Variants in GRM7 observed in about 807,000 individuals in gnomAD.
GRM7 encodes metabotropic glutamate receptor 7.
In GRM7, 35 loss-of-function variants were observed where a neutral mutation model predicts 84.5. The observed-to-expected ratio is 0.41, with a 90% CI of 0.32 to 0.55. The LOEUF is 0.55. Ranked by LOEUF, GRM7 falls within the 20% of genes least tolerant of loss-of-function variation. The pLI is 0.19. For missense variants in GRM7, 1,003 were observed against 1,194.6 expected (o/e 0.84, Z 2.36); for synonymous variants, 487 against 455.1 (o/e 1.07, Z -0.89).
chr3:7,677,697 A>C (rs535639436), intron 8 of GRM7, among the ~76,000 whole-genome samples: 1 of 152,360 alleles, frequency 6.6e-6, no homozygotes, highest in African/African-American at 2.4e-5. Context: ...TTCATAAAAT[A>C]AACATGATAG....
At chr3:6,877,074 T>G (rs1387663720) in intron 1 of GRM7, among the ~76,000 whole-genome samples, 1 of 152,218 alleles carries the variant, frequency 6.6e-6, no homozygotes, top group African/African-American at 2.4e-5. Flanking sequence ...TTAATATGGA[T>G]GGAGGGCTGT....
intron 2 of GRM7, among the ~76,000 whole-genome samples, chr3:7,290,221 T>C (rs1699575376): frequency 6.6e-6 from 1 of 152,068 alleles, no homozygotes; most frequent in African/African-American, 2.4e-5. Flanking sequence ...ACATCAGAAA[T>C]CAATCAAACT....
chr3:7,022,538 T>C (rs1227303183), intron 1 of GRM7, among the ~76,000 whole-genome samples: 1 of 151,598 alleles, frequency 6.6e-6, no homozygotes, highest in Non-Finnish European at 1.5e-5. Context: ...CCCAAAAAAA[T>C]ATTTTCTTTT....
intron 1 of GRM7, among the ~76,000 whole-genome samples, chr3:6,911,613 A>G (rs568826757): frequency 1.8e-4 from 28 of 152,282 alleles, no homozygotes; most frequent in African/African-American, 6.7e-4. Context: ...GGTAGCCACT[A>G]GGGAAAGTAA....
chr3:7,606,877 G>T (rs1048824371), intron 8 of GRM7: 1 of 152,098 alleles, frequency 6.6e-6, no homozygotes, highest in African/African-American at 2.4e-5. Flanking sequence ...TCAATGTAAA[G>T]CATTGAAGTC....
intron 4 of GRM7, among the ~76,000 whole-genome samples, chr3:7,388,294 C>T (rs939269247): frequency 6.6e-5 from 10 of 152,022 alleles, no homozygotes; most frequent in African/African-American, 2.4e-4. Flanking sequence ...CTTTCTCTTG[C>T]CTGATCACTC....
At chr3:7,122,290 C>T (rs1023734291) in intron 1 of GRM7, among the ~76,000 whole-genome samples, 1 of 151,970 alleles carries the variant, frequency 6.6e-6, no homozygotes, top group Admixed American at 6.6e-5. Context: ...TTGCCCCAAA[C>T]CTATATTTAT....
At chr3:6,898,197 C>T (rs1005801580) in intron 1 of GRM7, among the ~76,000 whole-genome samples, 3 of 152,114 alleles carry the variant, frequency 2.0e-5, no homozygotes, top group African/African-American at 7.2e-5. Context: ...TTGTCGTTCT[C>T]ATGTGATGGC....
chr3:7,100,045 T>A (rs1699057986), intron 1 of GRM7, among the ~76,000 whole-genome samples: 1 of 149,810 alleles, frequency 6.7e-6, no homozygotes, highest in Non-Finnish European at 1.5e-5. Context: ...ATATGTATAT[T>A]ACATATAATA....
intron 1 of GRM7, among the ~76,000 whole-genome samples, chr3:7,073,055 C>T (rs999696514): frequency 2.0e-5 from 3 of 152,046 alleles, no homozygotes; most frequent in South Asian, 4.2e-4. Context: ...TAGTGAAATG[C>T]GATGTATTTT....
At chr3:7,283,994 A>G (rs568363704) in intron 2 of GRM7, among the ~76,000 whole-genome samples, 100 of 152,346 alleles carry the variant, frequency 6.6e-4, no homozygotes, top group Middle Eastern at 3.4e-3. Flanking sequence ...GCAAAGTGAC[A>G]GTTCAAATAT....
Position 6,928,669 on chromosome 3 carries a change from C to T in GRM7, c.519+66762C>T, listed in dbSNP as rs1485959984. 6.6e-6 allele frequency among the ~76,000 whole-genome samples: 1 copy of T among 152,134 alleles called. No individual in the cohort carries two copies. The highest frequency in any genetic ancestry group is 1.5e-5 in the Non-Finnish European group (1 of 68,020). On this transcript the variant is annotated intron_variant, in intron 1 of 9. Coordinates refer to ENST00000357716, the MANE Select transcript of GRM7 (RefSeq NM_000844.4). The surrounding 1 kb of genome is among the most constrained non-coding windows in gnomAD (Gnocchi z 4.5). ...AACAACTTGATAGAATCAATAGAAG[C>T]TTAGTTAAGCAGGTGATAATCTTCT... is the stretch of plus-strand genomic sequence containing the variant.
intron 2 of GRM7, among the ~76,000 whole-genome samples, chr3:7,221,753 T>C (rs865825990): frequency 5.9e-5 from 9 of 151,652 alleles, no homozygotes; most frequent in Non-Finnish European, 1.2e-4. Context: ...TTAGTTTCTC[T>C]TTTGTCTTGA....
At chr3:6,955,240 A>G (rs192154301) in intron 1 of GRM7, among the ~76,000 whole-genome samples, 1 of 152,356 alleles carries the variant, frequency 6.6e-6, no homozygotes, top group African/African-American at 2.4e-5. Flanking sequence ...ATCATTATTT[A>G]AGAATAGAAT....
intron 4 of GRM7, among the ~76,000 whole-genome samples, chr3:7,357,443 C>T (rs1163573139): frequency 6.6e-6 from 1 of 152,020 alleles, no homozygotes; most frequent in African/African-American, 2.4e-5. Flanking sequence ...CCTCTTACCC[C>T]CTTCAATAGT....
In GRM7 at chr3:7,220,606, G is replaced by A. The variant is rs553171228; in HGVS notation, c.736+73938G>A. 5.9e-5 allele frequency among the ~76,000 whole-genome samples: 9 copies of A among 151,970 alleles called. No individual in the cohort carries two copies. In the South Asian group the frequency reaches 1.7e-3, roughly 28 times the overall value. On this transcript the variant is annotated intron_variant, in intron 2 of 9. Coordinates refer to ENST00000357716, the MANE Select transcript of GRM7 (RefSeq NM_000844.4). ...AATTGGATTAGGAAAAGGGCATTAG[G>A]TAAAAAAAAGAAATACCAATAAAGT...
At position 7,486,245 on chromosome 3, in the gene GRM7, T is replaced by A. The variant is rs535042151; in HGVS notation, c.1515+24523T>A. On this transcript the variant is annotated intron_variant, in intron 7 of 9. Transcript: ENST00000357716. This position sits in a 1 kb window ranked among gnomAD's most constrained non-coding sequence, Gnocchi z 5.5. ...CTTCTATTTCCCCTTGTTTTATTTG[T>A]ATTTAAGTGTTTTTGCTTCCCAAGA... Among the ~76,000 whole-genome samples the A allele has an allele frequency of 6.6e-6, 1 of 152,318 alleles. No individual in the cohort carries two copies. The highest frequency in any genetic ancestry group is 1.9e-4 in the East Asian group (1 of 5,180).
chr3:7,110,283 A>T (rs1329686140), intron 1 of GRM7, among the ~76,000 whole-genome samples: 1 of 152,038 alleles, frequency 6.6e-6, no homozygotes, highest in Non-Finnish European at 1.5e-5. Flanking sequence ...ACCTTTCCTT[A>T]TAGGAAACTA....
At chr3:6,919,140 T>C (rs937534815) in intron 1 of GRM7, among the ~76,000 whole-genome samples, 5 of 152,202 alleles carry the variant, frequency 3.3e-5, no homozygotes, top group African/African-American at 1.2e-4. Flanking sequence ...TTAATTTTGG[T>C]TCTTTATGTA....
Sources: allele counts gnomAD v4.1 joint callset (sites outside exome capture counted in the v4.1 genomes callset), GRCh38; gene constraint gnomAD v4.1.1; non-coding constraint Gnocchi (gnomAD v3.1); transcripts MANE v1.5; gene names NCBI Gene and HGNC (gene_info 2026-07-23, HGNC 2026-07-21).